GPCPD1: variants seen among roughly 807,000 people sequenced by gnomAD.
GPCPD1 encodes the protein glycerophosphocholine phosphodiesterase GPCPD1.
GPCPD1 carries 29 observed loss-of-function variants against 89.2 expected under a neutral mutation model. That is an observed-to-expected ratio of 0.33 (90% CI 0.24 to 0.44). GPCPD1 has a LOEUF of 0.44. Among genes scored for constraint, GPCPD1 ranks in the 20% least tolerant of loss-of-function variants. The probability of loss-of-function intolerance (pLI) is 1.00; values close to 1 mark genes in which losing one functional copy is unlikely to be tolerated. For synonymous variants in GPCPD1, 258 were observed against 266.3 expected (o/e 0.97, Z 0.30); for missense variants, 594 against 808.9 (o/e 0.73, Z 3.22).
intron 19 of GPCPD1, among the ~76,000 whole-genome samples, chr20:5,556,745 A>T (rs1967625267): frequency 6.6e-6 from 1 of 152,218 alleles, no homozygotes; most frequent in Non-Finnish European, 1.5e-5. Context: ...TGTTCAATAA[A>T]TTATTTGACT....
chr20:5,565,181 A>G, intron 14 of GPCPD1, 103 bp from the exon 15 acceptor site: 1 of 699,444 alleles, frequency 1.4e-6, no homozygotes, highest in South Asian at 1.6e-5. Flanking sequence ...AGAGAGAGAG[A>G]GTGTGTGTGT....
chr20:5,558,605 AAAGT>A (rs1318878395), intron 18 of GPCPD1, 75 bp downstream of exon 18: 3 of 830,208 alleles, frequency 3.6e-6, no homozygotes, highest in Non-Finnish European at 5.7e-6. Flanking sequence ...TTAGATGGGT[AAAGT>A]AATATGAAAT....
chr20:5,564,730 G>A (rs973399322), intron 15 of GPCPD1, among the ~76,000 whole-genome samples: 1 of 152,098 alleles, frequency 6.6e-6, no homozygotes, highest in Non-Finnish European at 1.5e-5. Flanking sequence ...CCAGCTATTT[G>A]AGAGACTGAG....
intron 15 of GPCPD1, among the ~76,000 whole-genome samples, chr20:5,563,352 C>T (rs1339387479): frequency 6.6e-6 from 1 of 152,116 alleles, no homozygotes; most frequent in East Asian, 1.9e-4. Context: ...ACTTATTTGA[C>T]TAAAAGGCTG....
intron 19 of GPCPD1, among the ~76,000 whole-genome samples, chr20:5,551,402 T>C (rs1985401548): frequency 6.6e-6 from 1 of 152,124 alleles, no homozygotes; most frequent in Admixed American, 6.5e-5. Context: ...TGCAAAAAGG[T>C]TTGAAAGTCA....
At chr20:5,582,118 G>A (rs59784485) in intron 6 of GPCPD1, among the ~76,000 whole-genome samples, 13,386 of 141,358 alleles carry the variant, frequency 0.095, 1,092 homozygotes, top group African/African-American at 0.22. Flanking sequence ...CCCGGGAGGC[G>A]GAGCTTGCAG....
rs1244451967 is a variant in GPCPD1, at chr20:5,551,231, C to T, written c.1830-3381G>A. On this transcript the variant is annotated intron_variant, in intron 19 of 19. Transcript: ENST00000379019. Reference sequence around the variant, plus strand: ...GCTGAGCTAGAGACCTAGCGGGTCACACAAACAGTTCGGAAAGTTAAGACT... The same window carrying T: ...GCTGAGCTAGAGACCTAGCGGGTCATACAAACAGTTCGGAAAGTTAAGACT... 4.6e-5 allele frequency among the ~76,000 whole-genome samples: 7 copies of T among 152,152 alleles called. No individual in the cohort carries two copies. The East Asian group carries it at 7.7e-4, about 17-fold the overall frequency.
chr20:5,562,202 T>G lies in GPCPD1; in HGVS notation c.1330-672A>C, dbSNP rs138220577. Among the ~76,000 whole-genome samples, 50 of 152,322 alleles carry G rather than the reference T, an allele frequency of 3.3e-4. No individual in the cohort carries two copies. The East Asian group carries it at 7.7e-3, about 23-fold the overall frequency. ...GGTTAGTAACCTCCAAAGAACGGAC[T>G]TGTTCAGTCTTAAACAAACATGAAG... On this transcript the variant is annotated intron_variant, in intron 15 of 19. Transcript: ENST00000379019.
At chr20:5,550,283 CAA>C (rs11476159) in intron 19 of GPCPD1, among the ~76,000 whole-genome samples, 51 of 75,996 alleles carry the variant, frequency 6.7e-4, no homozygotes, top group African/African-American at 1.2e-3. Flanking sequence ...TCAAATGAAG[CAA>C]AAAAAAAAAA....
At chr20:5,590,880 A>G (rs1476572240) in intron 4 of GPCPD1, among the ~76,000 whole-genome samples, 2 of 152,334 alleles carry the variant, frequency 1.3e-5, no homozygotes, top group South Asian at 4.1e-4. Flanking sequence ...TTAGAAACAT[A>G]GATATGTGCT....
At chr20:5,604,082 T>C (rs1470021011) in intron 2 of GPCPD1, among the ~76,000 whole-genome samples, 2 of 152,174 alleles carry the variant, frequency 1.3e-5, no homozygotes, top group Non-Finnish European at 2.9e-5. Context: ...TTCCTTCATT[T>C]TCATACTGCC....
At chr20:5,604,584 T>C (rs1199664647) in intron 1 of GPCPD1, 144 bp from the exon 2 acceptor site, 2 of 157,016 alleles carry the variant, frequency 1.3e-5, no homozygotes, top group East Asian at 2.0e-4. Context: ...GGATTGTTTT[T>C]GTTTTTGTTT....
At chr20:5,598,913 C>G in intron 2 of GPCPD1, 92 bp from the exon 3 acceptor site, 1 of 792,516 alleles carries the variant, frequency 1.3e-6, no homozygotes, top group Non-Finnish European at 2.2e-6. Flanking sequence ...ACCAGATATG[C>G]TGCCCCCTTT....
At position 5,607,571 on chromosome 20, in the gene GPCPD1, C is replaced by G. The variant is rs186618721; in HGVS notation, c.-28-3131G>C. ...CCAGCCTGGGCAACAGAGGGAGACT[C>G]CATCTCAAAAAAGAAAAAGAAAAAA... On this transcript the variant is annotated intron_variant, in intron 1 of 19. Transcript: ENST00000379019. 3.6e-3 allele frequency among the ~76,000 whole-genome samples: 549 copies of G among 151,784 alleles called. 3 individuals carry two copies. The highest frequency in any genetic ancestry group is 5.1e-3 in the Non-Finnish European group (347 of 67,930).
At chr20:5,553,977 C>T (rs1568641284) in intron 19 of GPCPD1, among the ~76,000 whole-genome samples, 2 of 87,998 alleles carry the variant, frequency 2.3e-5, no homozygotes, top group Non-Finnish European at 4.6e-5. Context: ...ATTTTCTTTT[C>T]TTTTTTTTTA....
chr20:5,550,138 G>A (rs112751692), intron 19 of GPCPD1, among the ~76,000 whole-genome samples: 7 of 151,850 alleles, frequency 4.6e-5, no homozygotes, highest in African/African-American at 1.7e-4. Flanking sequence ...AGGTTGCAGT[G>A]AGCCCAGATC....
intron 1 of GPCPD1, among the ~76,000 whole-genome samples, chr20:5,605,468 C>T (rs1014764589): frequency 6.6e-6 from 1 of 151,734 alleles, no homozygotes; most frequent in Non-Finnish European, 1.5e-5. Context: ...CACAATGTAA[C>T]TTATCATTAA....
chr20:5,575,889 A>G lies in GPCPD1; in HGVS notation c.795T>C (p.Ser265=). 6.2e-7 allele frequency: 1 copy of G among 1,608,092 alleles called. No homozygotes were observed. Among genetic ancestry groups the G allele is most frequent in the Non-Finnish European group, 8.5e-7 (1 of 1,174,936 alleles). ...GAGTAAGAATTCCAGCACTCTTTCC[A>G]CTCTCAGCAATGGTGGATGATAAGA... ...ACLLSSTIAE[S]GKSAGILTLP... is the part of the protein sequence containing the mutation. The change falls in exon 9 of 20, where the codon AGT becomes AGC. Residue 265 remains serine (S), a synonymous_variant. Coordinates refer to ENST00000379019, the MANE Select transcript of GPCPD1 (RefSeq NM_019593.5).
chr20:5,561,324 C>T (rs1315278758), intron 16 of GPCPD1, 141 bp downstream of exon 16: 2 of 494,942 alleles, frequency 4.0e-6, no homozygotes, highest in Non-Finnish European at 7.2e-6. Flanking sequence ...TTTAAAGGGT[C>T]CAATAAGCAT....
Sources: allele counts gnomAD v4.1 joint callset (sites outside exome capture counted in the v4.1 genomes callset), GRCh38; gene constraint gnomAD v4.1.1; transcripts MANE v1.5; gene names NCBI Gene and HGNC (gene_info 2026-07-23, HGNC 2026-07-21).